The following TTN variants were observed in gnomAD, a reference collection of about 807,000 sequenced individuals.
TTN encodes the protein titin.
In TTN, 1,525 loss-of-function variants were observed where a neutral mutation model predicts 3,223.0. The ratio of observed to expected loss-of-function variants is 0.47; its 90% CI spans 0.45 to 0.49. The LOEUF (loss-of-function observed/expected upper bound fraction) is 0.49. Among genes scored for constraint, TTN ranks in the 20% least tolerant of loss-of-function variants. The pLI is 0.00. For synonymous variants in TTN, 14,094 were observed against 15,161.0 expected, an observed-to-expected ratio of 0.93 and a Z score of 5.17; for missense variants, 40,786 against 43,424.0, an observed-to-expected ratio of 0.94 and a Z score of 5.40.
In TTN at chr2:178,722,672, C is replaced by T; in HGVS notation, c.22227G>A (p.Val7409=). The T allele has an allele frequency of 6.2e-7, 1 of 1,608,538 alleles. No individual in the cohort carries two copies. Among genetic ancestry groups the T allele is most frequent in the South Asian group, 1.1e-5 (1 of 89,888 alleles). ...NSIGTASSKT[V]FRIQERQLPP... ...AAATATCATCACCTTGAATTCTGAACACAGTCTTAGAAGAAGCAGTTCCTA... is the reference window on the plus strand; with the variant it reads ...AAATATCATCACCTTGAATTCTGAATACAGTCTTAGAAGAAGCAGTTCCTA... Residue 7409 remains valine (V), a synonymous_variant, in exon 76 of 363, where the codon GTG becomes GTA. Coordinates refer to ENST00000589042, the MANE Select transcript of TTN (RefSeq NM_001267550.2).
In TTN at chr2:178,664,024, G is replaced by C; in HGVS notation, c.36355C>G (p.Pro12119Ala). ...AGTCAGTGACAAATACCTTTAACAG[G>C]TGGGACTTCAGGCTTTTTAGGAGGC... is the stretch of plus-strand genomic sequence containing the variant. ...VVPPKKPEVPPVKVPEASKEV... is the reference protein window; with the variant it reads ...VVPPKKPEVPAVKVPEASKEV... The change falls in exon 169 of 363, where the codon CCT (proline) becomes GCT (alanine). Residue 12119 changes from proline to alanine, a missense_variant. Physicochemically the swap from Pro to Ala is conservative, Grantham distance 27. Coordinates refer to ENST00000589042, the MANE Select transcript of TTN (RefSeq NM_001267550.2). 6.2e-7 allele frequency: 1 copy of C among 1,613,334 alleles called. No individual in the cohort carries two copies. The highest frequency in any genetic ancestry group is 8.5e-7 in the Non-Finnish European group (1 of 1,179,730).
At position 178,713,194 on chromosome 2, in the gene TTN, A is replaced by T. The variant is rs1060503948; in HGVS notation, c.26940T>A (p.Thr8980=). ...CCAGCATGTTCACAGTTAAAGCACAAGTATTATCTGTCAGGGTGGTCTGGT... is the reference window on the plus strand; with the variant it reads ...CCAGCATGTTCACAGTTAAAGCACATGTATTATCTGTCAGGGTGGTCTGGT... The part of the protein sequence containing the change: ...RKYQTTLTDN[T]CALTVNMLEE... The change falls in exon 93 of 363, where the codon ACT becomes ACA. Residue 8980 remains threonine (T), a synonymous_variant. Transcript: ENST00000589042. The T allele has an allele frequency of 1.9e-6, 3 of 1,613,622 alleles. No homozygotes were observed. In the African/African-American group the frequency reaches 4.0e-5, roughly 22 times the overall value.
In TTN at chr2:178,738,431, C is replaced by G; in HGVS notation, c.14093-71G>C. ...TATGACATTTTTGTTTTTCTTCTAA[C>G]TTTTGTTGCTGTTAATGGAGTAAAA... On this transcript the variant is annotated intron_variant, in intron 48 of 362. Coordinates refer to ENST00000589042, the MANE Select transcript of TTN (RefSeq NM_001267550.2). The G allele has an allele frequency of 3.4e-6, 5 of 1,490,378 alleles. No individual in the cohort carries two copies. In the South Asian group the frequency reaches 5.7e-5, roughly 17 times the overall value. 92.3% of individuals were successfully genotyped at this position (1,490,378 alleles called of 1,614,324 possible).
chr2:178,739,115 G>T, intron 48 of TTN, 26 bp downstream of exon 48: 1 of 1,490,618 alleles, frequency 6.7e-7, no homozygotes, highest in Non-Finnish European at 8.9e-7. Context: ...GTTAGCATTT[G>T]ATCTATTTTA....
In TTN at chr2:178,538,435, T is replaced by C. The variant is rs1289366902; in HGVS notation, c.99289+105A>G. 5.3e-6 allele frequency: 6 copies of C among 1,125,356 alleles called. No individual in the cohort carries two copies. In the East Asian group the frequency reaches 1.5e-4, roughly 29 times the overall value. 69.7% of individuals were successfully genotyped at this position (1,125,356 alleles called of 1,614,324 possible). A position where few individuals can be genotyped will look rare whatever the true frequency, so the allele number is the denominator to read the frequency against. ...TGTACTTGCTTTTCTTTCTTAACAC[T>C]TGCTCTCCAATAAAGCTTTCCAGGG... is the stretch of plus-strand genomic sequence containing the variant. On this transcript the variant is annotated intron_variant, in intron 354 of 362. Coordinates refer to ENST00000589042, the MANE Select transcript of TTN (RefSeq NM_001267550.2).
chr2:178,642,299 T>G lies in TTN; in HGVS notation c.40496A>C (p.Lys13499Thr), dbSNP rs1395056763. 1 of 1,593,440 alleles carries G rather than the reference T, an allele frequency of 6.3e-7. No homozygotes were observed. The highest frequency in any genetic ancestry group is 1.1e-5 in the South Asian group (1 of 87,428). Residue 13499 changes from lysine (K) to threonine (T), a missense_variant, in exon 219 of 363, where the codon AAA becomes ACA. Coordinates refer to ENST00000589042, the MANE Select transcript of TTN (RefSeq NM_001267550.2). Reference sequence around the variant, plus strand: ...ACGTTCCGGAAGTAATTTGCGAACTTTCTTTTCACCTCCAGGCACTTAAAA... The same window carrying G: ...ACGTTCCGGAAGTAATTTGCGAACTGTCTTTTCACCTCCAGGCACTTAAAA... The part of the protein sequence containing the change: ...TPLKVPGGEK[K>T]VRKLLPERKP...
rs141559873 is a variant in TTN at position 178,561,955 on chromosome 2, T to C, written c.84177A>G (p.Pro28059=). The C allele has an allele frequency of 1.9e-6, 3 of 1,613,184 alleles. No homozygotes were observed. Among genetic ancestry groups the C allele is most frequent in the Middle Eastern group, 1.7e-4 (1 of 6,056 alleles). ...TAACCTCATCAATACGTATAGGACC[T>C]GGAGGTCCTGGTCTGTCAAGGACAA... ...TIIVLDRPGP[P]GPIRIDEVSC... is the part of the protein sequence containing the mutation. The change falls in exon 326 of 363, where the codon CCA becomes CCG. Residue 28059 remains proline, a synonymous_variant. Coordinates refer to ENST00000589042, the MANE Select transcript of TTN (RefSeq NM_001267550.2).
rs563222480 is a variant in TTN, at chr2:178,552,076, A to T, written c.90824T>A (p.Val30275Glu). Reference protein sequence around the residue: ...RETSQTNWKMVCSSVARTTFK... With the variant: ...RETSQTNWKMECSSVARTTFK... ...AGTCGTTCTGGCAACACTTGAACAC[A>T]CCATCTTCCAGTTAGTTTGTGAAGT... The change falls in exon 335 of 363, where the codon GTG (valine) becomes GAG (glutamate). Residue 30275 changes from valine to glutamate, a missense_variant. Val to Glu is a moderately radical substitution (Grantham distance 121). Transcript: ENST00000589042. 7 of 1,613,748 alleles carry T rather than the reference A, an allele frequency of 4.3e-6. No individual in the cohort carries two copies. In the South Asian group the frequency reaches 7.7e-5, roughly 18 times the overall value.
chr2:178,552,137 C>T lies in TTN; in HGVS notation c.90763G>A (p.Gly30255Arg), dbSNP rs775441664. The part of the protein sequence containing the change: ...SWDVPEDNGG[G>R]EITCYSIEKR... ...TCGATGCTGTAACAAGTAATTTCTC[C>T]TCCTCCATTATCTTCAGGTACATCC... The change falls in exon 335 of 363, where the codon GGA (glycine) becomes AGA (arginine). Residue 30255 changes from glycine to arginine, a missense_variant. Gly to Arg is a moderately radical substitution (Grantham distance 125). Coordinates refer to ENST00000589042, the MANE Select transcript of TTN (RefSeq NM_001267550.2). 4.3e-6 allele frequency: 7 copies of T among 1,613,632 alleles called. No individual in the cohort carries two copies. Among genetic ancestry groups the T allele is most frequent in the Admixed American group, 3.3e-5 (2 of 59,926 alleles).
rs1382387828 is a variant in TTN at position 178,571,610 on chromosome 2, A to G, written c.74522T>C (p.Ile24841Thr). Residue 24841 changes from isoleucine (I) to threonine (T), a missense_variant, in exon 326 of 363, where the codon ATC becomes ACC. By Grantham distance (89) the Ile-to-Thr change is moderately conservative. Coordinates refer to ENST00000589042, the MANE Select transcript of TTN (RefSeq NM_001267550.2). The part of the protein sequence containing the change: ...GPPKYDGGSS[I>T]NNYIVEKRDT... ...CCGTTTCTCAACAATGTAATTATTGATAGAACTTCCACCATCATACTTGGG... is the reference window on the plus strand; with the variant it reads ...CCGTTTCTCAACAATGTAATTATTGGTAGAACTTCCACCATCATACTTGGG... 6.2e-7 allele frequency: 1 copy of G among 1,613,274 alleles called. No homozygotes were observed. Among genetic ancestry groups the G allele is most frequent in the Non-Finnish European group, 8.5e-7 (1 of 1,179,572 alleles).
At chr2:178,773,071 C>A (rs1380647022) in intron 33 of TTN, 38 bp downstream of exon 33, 7 of 1,611,538 alleles carry the variant, frequency 4.3e-6, no homozygotes, top group South Asian at 1.1e-5. Context: ...AAATAACAAT[C>A]ACTCCTCGTA....
In TTN at chr2:178,729,105, A is replaced by G. The variant is rs775184410; in HGVS notation, c.18933T>C (p.Phe6311=). Residue 6311 remains phenylalanine, a synonymous_variant, in exon 65 of 363, where the codon TTT becomes TTC. Coordinates refer to ENST00000589042, the MANE Select transcript of TTN (RefSeq NM_001267550.2). Reference sequence around the variant, plus strand: ...GAGGAGAACCTGCCACGGTACTCTGAAAGGTGGCAGAACTTTTCAAAACAG... The same window carrying G: ...GAGGAGAACCTGCCACGGTACTCTGGAAGGTGGCAGAACTTTTCAAAACAG... ...TTTVLKSSAT[F]QSTVAGSPPI... 6.2e-7 allele frequency: 1 copy of G among 1,610,844 alleles called. No individual in the cohort carries two copies. The highest frequency in any genetic ancestry group is 1.7e-5 in the Admixed American group (1 of 59,562).
Position 178,587,716 on chromosome 2 carries a change from A to G in TTN, c.63593T>C (p.Val21198Ala). Residue 21198 changes from valine to alanine, a missense_variant, in exon 306 of 363, where the codon GTG (valine) becomes GCG (alanine). Transcript: ENST00000589042. ...AGCPIRLFAIVRGRPAPKVTW... is the reference protein window; with the variant it reads ...AGCPIRLFAIARGRPAPKVTW... ...GACTTTAGGGGCTGGTCGTCCTCTC[A>G]CTATAGCAAAGAGACGAATAGGGCA... The G allele has an allele frequency of 6.2e-7, 1 of 1,612,888 alleles. No individual in the cohort carries two copies. The highest frequency in any genetic ancestry group is 1.1e-5 in the South Asian group (1 of 91,016).
chr2:178,582,450 G>A lies in TTN; in HGVS notation c.66006C>T (p.Asn22002=). ...IVDKRETSRP[N]WAQVSATVPI... ...GCACAGTTGCAGAGACTTGAGCCCAGTTGGGCCTGCTTGTTTCACGTTTGT... is the reference window on the plus strand; with the variant it reads ...GCACAGTTGCAGAGACTTGAGCCCAATTGGGCCTGCTTGTTTCACGTTTGT... Residue 22002 remains asparagine (N), a synonymous_variant, in exon 314 of 363, where the codon AAC becomes AAT. Coordinates refer to ENST00000589042, the MANE Select transcript of TTN (RefSeq NM_001267550.2). The A allele has an allele frequency of 6.2e-7, 1 of 1,613,004 alleles. No homozygotes were observed. The highest frequency in any genetic ancestry group is 8.5e-7 in the Non-Finnish European group (1 of 1,179,398).
intron 50 of TTN, 71 bp from the exon 51 acceptor site, chr2:178,735,059 C>T: frequency 6.9e-7 from 1 of 1,442,980 alleles, no homozygotes; most frequent in South Asian, 1.5e-5. Flanking sequence ...GAAAAGTAGA[C>T]ATATACAACA....
chr2:178,581,906 A>G lies in TTN; in HGVS notation c.66463T>C (p.Tyr22155His). The G allele has an allele frequency of 6.2e-7, 1 of 1,612,996 alleles. No homozygotes were observed. Residue 22155 changes from tyrosine (Y) to histidine (H), a missense_variant and splice_region_variant, in exon 315 of 363, where the codon TAT becomes CAT. Tyr to His is a moderately conservative substitution (Grantham distance 83, BLOSUM62 2). Coordinates refer to ENST00000589042, the MANE Select transcript of TTN (RefSeq NM_001267550.2). ...SKAAYARDPQ[Y>H]PPGPPAFPKV... The stretch of plus-strand genomic sequence containing the variant: ...ATGGAACTCGTTCATGAACACTTAC[A>G]CTGAGGGTCCCGAGCATAAGCGGCC...
chr2:178,550,311 T>G (rs1434539799), intron 336 of TTN, 38 bp from the exon 337 acceptor site: 1 of 1,530,640 alleles, frequency 6.5e-7, no homozygotes, highest in Non-Finnish European at 8.8e-7. Flanking sequence ...TTAGTTTGGC[T>G]TAATAAAGAC....
chr2:178,663,135 T>C lies in TTN; in HGVS notation c.36701-80A>G, dbSNP rs574128803. ...TTGCATATAAACACCCACCAAGATA[T>C]TTTGGATAGCGATTGACATTTGTTT... On this transcript the variant is annotated intron_variant, in intron 173 of 362. Transcript: ENST00000589042. The C allele has an allele frequency of 2.8e-4, 450 of 1,608,926 alleles. 8 individuals carry two copies. In the South Asian group the frequency reaches 4.7e-3, roughly 17 times the overall value.
At position 178,543,908 on chromosome 2, in the gene TTN, T is replaced by C. The variant is rs1559127150; in HGVS notation, c.96236A>G (p.Asp32079Gly). 1.2e-6 allele frequency: 2 copies of C among 1,613,734 alleles called. No homozygotes were observed. The highest frequency in any genetic ancestry group is 1.7e-6 in the Non-Finnish European group (2 of 1,179,704). ...AGCTTCAATTGTGTATTTTCCAGCA[T>C]CGTACCGATTAACTTTGTCCACTAT... The part of the protein sequence containing the change: ...LLIVDKVNRY[D>G]AGKYTIEAEN... Residue 32079 changes from aspartate (D) to glycine (G), a missense_variant, in exon 346 of 363, where the codon GAT becomes GGT. Physicochemically the swap from Asp to Gly is moderately conservative, Grantham distance 94. Transcript: ENST00000589042.
Sources: gnomAD v4.1 joint callset for allele counts on GRCh38, gnomAD v4.1.1 for gene constraint, MANE v1.5 for transcripts, NCBI Gene and HGNC (gene_info 2026-07-23, HGNC 2026-07-21) for gene names.